The following PHKB variants were observed in gnomAD, a reference collection of about 807,000 sequenced individuals.
PHKB encodes the protein phosphorylase kinase regulatory subunit beta, also known as phosphorylase b kinase regulatory subunit beta.
PHKB carries 122 observed loss-of-function variants against 152.1 expected under a neutral mutation model. The ratio of observed to expected loss-of-function variants is 0.80; its 90% confidence interval spans 0.69 to 0.93. The LOEUF (loss-of-function observed/expected upper bound fraction) is 0.93, where lower values mean the gene tolerates loss of function less well. PHKB is among the 40% of genes least tolerant of loss of function. The pLI is 0.00. For missense variants in PHKB, 1,304 were observed against 1,328.4 expected (o/e 0.98, Z 0.29); for synonymous variants, 436 against 464.9 (o/e 0.94, Z 0.80).
chr16:47,605,729 A>G (rs552819749), intron 13 of PHKB, among the ~76,000 whole-genome samples: 381 of 151,856 alleles, frequency 2.5e-3, no homozygotes, highest in African/African-American at 8.4e-3. Context: ...TTTTTTTTTC[A>G]GAGAGAAAGG....
intron 7 of PHKB, among the ~76,000 whole-genome samples, chr16:47,557,676 A>C (rs1468764408): frequency 6.6e-6 from 1 of 152,190 alleles, no homozygotes; most frequent in Non-Finnish European, 1.5e-5. Context: ...AATCAAAACC[A>C]CAGTGAGATA....
At chr16:47,622,070 G>A (rs190840008) in intron 14 of PHKB, among the ~76,000 whole-genome samples, 2 of 151,874 alleles carry the variant, frequency 1.3e-5, no homozygotes, top group Admixed American at 1.3e-4. Context: ...TGGCTAAAAT[G>A]TAAAAGAAGG....
At chr16:47,503,156 C>A in intron 4 of PHKB, 66 bp downstream of exon 4, 1 of 1,058,284 alleles carries the variant, frequency 9.4e-7, no homozygotes, top group Non-Finnish European at 1.5e-6. Context: ...ACTAGTATCG[C>A]AATGGTTTCT....
intron 26 of PHKB, among the ~76,000 whole-genome samples, chr16:47,679,478 T>G (rs1278570860): frequency 1.3e-5 from 2 of 152,198 alleles, no homozygotes; most frequent in African/African-American, 4.8e-5. Flanking sequence ...CTTGAAGAGG[T>G]CCTTCACATC....
At chr16:47,593,168 AGG>A (rs397835647) in intron 10 of PHKB, among the ~76,000 whole-genome samples, 3 of 119,018 alleles carry the variant, frequency 2.5e-5, no homozygotes, top group Non-Finnish European at 3.7e-5. Context: ...AGAAAGGGAG[AGG>A]GAGAGAGAGA....
At chr16:47,640,155 A>G (rs1567337542) in intron 14 of PHKB, among the ~76,000 whole-genome samples, 1 of 152,296 alleles carries the variant, frequency 6.6e-6, no homozygotes, top group South Asian at 2.1e-4. Context: ...CTTGCCTTCC[A>G]TCATACATAA....
intron 20 of PHKB, among the ~76,000 whole-genome samples, chr16:47,653,283 T>A (rs1973272738): frequency 6.6e-6 from 1 of 152,190 alleles, no homozygotes; most frequent in Non-Finnish European, 1.5e-5. Flanking sequence ...TTAATCCTTG[T>A]ATCTCCTGCT....
chr16:47,548,781 CT>C (rs1326004600), intron 7 of PHKB, among the ~76,000 whole-genome samples: 3 of 151,974 alleles, frequency 2.0e-5, no homozygotes, highest in African/African-American at 7.3e-5. Flanking sequence ...GTTATGTGAC[CT>C]TTTTATGATT....
chr16:47,631,316 G>A (rs561573301), intron 14 of PHKB, among the ~76,000 whole-genome samples: 3 of 152,178 alleles, frequency 2.0e-5, no homozygotes, highest in Non-Finnish European at 2.9e-5. Flanking sequence ...TTATTAAACC[G>A]CTCGTCACCT....
At chr16:47,558,981 C>T (rs570118528) in intron 7 of PHKB, among the ~76,000 whole-genome samples, 210 of 152,240 alleles carry the variant, frequency 1.4e-3, no homozygotes, top group Middle Eastern at 0.01. Context: ...CATATGTGTT[C>T]GCCTTTTGAA....
chr16:47,593,369 G>A, intron 10 of PHKB, 131 bp from the exon 11 acceptor site: 2 of 624,916 alleles, frequency 3.2e-6, no homozygotes, highest in East Asian at 2.9e-5. Context: ...GAGCCCAGGA[G>A]GGCAAGGCTG....
At chr16:47,597,546 G>T (rs757965021) in intron 13 of PHKB, among the ~76,000 whole-genome samples, 86 of 151,948 alleles carry the variant, frequency 5.7e-4, no homozygotes, top group Non-Finnish European at 1.1e-3. Context: ...TTAAGAACAT[G>T]AAGAAACATT....
At chr16:47,465,573 A>G (rs1185145727) in intron 1 of PHKB, among the ~76,000 whole-genome samples, 1 of 152,222 alleles carries the variant, frequency 6.6e-6, no homozygotes, top group Non-Finnish European at 1.5e-5. Flanking sequence ...ATTACTTTCA[A>G]TGTTGACACT....
intron 26 of PHKB, among the ~76,000 whole-genome samples, chr16:47,688,274 G>A (rs1373493530): frequency 6.6e-6 from 1 of 152,102 alleles, no homozygotes; most frequent in African/African-American, 2.4e-5. Flanking sequence ...ATTCCCTAAG[G>A]CACAGTATTA....
intron 14 of PHKB, among the ~76,000 whole-genome samples, chr16:47,629,102 C>T (rs2151719460): frequency 6.6e-6 from 1 of 152,328 alleles, no homozygotes; most frequent in Non-Finnish European, 1.5e-5. Context: ...CCATTCAGGA[C>T]ATAGGCATGG....
intron 7 of PHKB, among the ~76,000 whole-genome samples, chr16:47,551,891 G>A (rs923874494): frequency 2.0e-5 from 3 of 152,140 alleles, no homozygotes; most frequent in East Asian, 3.8e-4. Flanking sequence ...ATGAATCTGG[G>A]TGCTCCTGTA....
rs75681526 is a variant in PHKB, at chr16:47,657,299, G to A, written c.1972-3207G>A. Among the ~76,000 whole-genome samples, 561 of 152,116 alleles carry A rather than the reference G, an allele frequency of 3.7e-3. 2 individuals are homozygous for A. Among genetic ancestry groups the A allele is most frequent in the Non-Finnish European group, 6.1e-3 (412 of 68,018 alleles). The stretch of plus-strand genomic sequence containing the variant: ...ATTCAACAAATATTTATTGTGCTCC[G>A]ACTGTAGGCACTAGGGATGTAGTGT... On this transcript the variant is annotated intron_variant, in intron 20 of 30. Transcript: ENST00000323584.
At chr16:47,586,112 C>G (rs1863059288) in intron 8 of PHKB, among the ~76,000 whole-genome samples, 1 of 152,166 alleles carries the variant, frequency 6.6e-6, no homozygotes, top group African/African-American at 2.4e-5. Flanking sequence ...ATGAAGTGCC[C>G]CAACTTCCCT....
chr16:47,545,798 C>G lies in PHKB; in HGVS notation c.595-1635C>G, dbSNP rs550180706. Among the ~76,000 whole-genome samples, 202 of 152,132 alleles carry G rather than the reference C, an allele frequency of 1.3e-3. 2 individuals are homozygous for G. Among genetic ancestry groups the G allele is most frequent in the Non-Finnish European group, 2.2e-3 (150 of 68,018 alleles). On this transcript the variant is annotated intron_variant, in intron 6 of 30. Coordinates refer to ENST00000323584, the MANE Select transcript of PHKB (RefSeq NM_000293.3). Reference sequence around the variant, plus strand: ...GAGGCCTTGTTCGTTTCTTTTTACTCTTTTTTCTCTAAATATCTCTTCTCA... The same window carrying G: ...GAGGCCTTGTTCGTTTCTTTTTACTGTTTTTTCTCTAAATATCTCTTCTCA...
Sources: gnomAD v4.1 joint callset for allele counts (sites outside exome capture counted in the v4.1 genomes callset) on GRCh38, gnomAD v4.1.1 for gene constraint, MANE v1.5 for transcripts, NCBI Gene and HGNC (gene_info 2026-07-23, HGNC 2026-07-21) for gene names.